The following CSMD1 variants were observed in gnomAD, a reference collection of about 807,000 sequenced individuals.
CSMD1 encodes CUB and sushi domain-containing protein 1.
Under a neutral mutation model 417.5 loss-of-function variants are expected in CSMD1, and 213 were observed. That is an observed-to-expected ratio of 0.51 (90% confidence interval 0.46 to 0.57). The LOEUF is 0.57. Among genes scored for constraint, CSMD1 ranks in the 20% least tolerant of loss-of-function variants. CSMD1 has a pLI of 0.00. For missense variants in CSMD1, 6,923 were observed against 4,529.7 expected (o/e 1.53, Z -15.17); for synonymous variants, 2,862 against 1,736.8 (o/e 1.65, Z -16.11).
Position 3,733,964 on chromosome 8 carries a change from C to G in CSMD1, c.931+19966G>C, listed in dbSNP as rs2623697. ...CATCCACTGGGGTCCTGAAACTTAT[C>G]CTTCAAGGATAAGGGGGGGATGTCT... On this transcript the variant is annotated intron_variant, in intron 6 of 69. Transcript: ENST00000635120. Among the ~76,000 whole-genome samples, 613 of 152,112 alleles carry G rather than the reference C, an allele frequency of 4.0e-3. 18 individuals carry two copies. In the East Asian group the frequency reaches 0.075, roughly 19 times the overall value.
chr8:2,972,240 A>ATG (rs1804523412), intron 57 of CSMD1, among the ~76,000 whole-genome samples: 1 of 152,208 alleles, frequency 6.6e-6, no homozygotes, highest in African/African-American at 2.4e-5. Flanking sequence ...AGGACAATAA[A>ATG]TGAAGATTAA....
At chr8:3,007,344 A>G (rs1035699816) in intron 52 of CSMD1, among the ~76,000 whole-genome samples, 23 of 151,994 alleles carry the variant, frequency 1.5e-4, no homozygotes, top group African/African-American at 5.6e-4. Flanking sequence ...TAGTTCAACC[A>G]TTGTGGAAGT....
chr8:4,582,515 C>T (rs1799470482), intron 2 of CSMD1, among the ~76,000 whole-genome samples: 1 of 152,172 alleles, frequency 6.6e-6, no homozygotes, highest in Admixed American at 6.5e-5. Context: ...GAAACTAAGT[C>T]CTGTAGTCTC....
intron 65 of CSMD1, 132 bp from the exon 66 acceptor site, chr8:2,951,407 G>T: frequency 1.1e-6 from 1 of 902,226 alleles, no homozygotes; most frequent in Non-Finnish European, 1.6e-6. Flanking sequence ...GACAAGAGGA[G>T]CCTAGTGCAT....
At chr8:4,067,036 T>C (rs977692844) in intron 3 of CSMD1, among the ~76,000 whole-genome samples, 1 of 152,236 alleles carries the variant, frequency 6.6e-6, no homozygotes, top group Non-Finnish European at 1.5e-5. Flanking sequence ...TTGTGTATGA[T>C]GAAAATCAAG....
chr8:4,093,523 A>C (rs17404163), intron 3 of CSMD1, among the ~76,000 whole-genome samples: 1 of 152,158 alleles, frequency 6.6e-6, no homozygotes, highest in Non-Finnish European at 1.5e-5. Flanking sequence ...GAATATAGTG[A>C]AATTTTACAT....
At position 3,459,947 on chromosome 8, in the gene CSMD1, C is replaced by G. The variant is rs892010225; in HGVS notation, c.1561+8765G>C. ...CATGATAATGCTACAAAAATCTAAACAGTCCAGAAACTGGCTAAGACACTC... is the reference window on the plus strand; with the variant it reads ...CATGATAATGCTACAAAAATCTAAAGAGTCCAGAAACTGGCTAAGACACTC... On this transcript the variant is annotated intron_variant, in intron 12 of 69. Transcript: ENST00000635120. Among the ~76,000 whole-genome samples, 18 of 152,260 alleles carry G rather than the reference C, an allele frequency of 1.2e-4. No individual in the cohort carries two copies. In the East Asian group the frequency reaches 3.1e-3, roughly 26 times the overall value.
intron 4 of CSMD1, among the ~76,000 whole-genome samples, chr8:4,006,155 T>C (rs954347659): frequency 2.0e-5 from 3 of 152,210 alleles, no homozygotes; most frequent in Admixed American, 2.0e-4. Context: ...ATTTATGTAC[T>C]GCAAATTCCC....
chr8:3,857,980 C>T (rs1020375942), intron 5 of CSMD1, among the ~76,000 whole-genome samples: 3 of 152,168 alleles, frequency 2.0e-5, no homozygotes, highest in Non-Finnish European at 4.4e-5. Flanking sequence ...TAAAATTGTT[C>T]GGCATGGTGC....
At chr8:4,405,095 G>T (rs11993384) in intron 3 of CSMD1, among the ~76,000 whole-genome samples, 1 of 152,216 alleles carries the variant, frequency 6.6e-6, no homozygotes, top group African/African-American at 2.4e-5. Flanking sequence ...ACAGCGTTCA[G>T]AAGAGATTTT....
At chr8:3,190,242 A>G (rs1796332177) in intron 33 of CSMD1, 127 bp from the exon 34 acceptor site, 3 of 619,848 alleles carry the variant, frequency 4.8e-6, no homozygotes, top group Admixed American at 3.0e-5. Context: ...AACGACTCCA[A>G]CAATCGCTAT....
At chr8:4,308,515 G>C (rs974681101) in intron 3 of CSMD1, among the ~76,000 whole-genome samples, 11 of 152,224 alleles carry the variant, frequency 7.2e-5, no homozygotes, top group Admixed American at 5.2e-4. Flanking sequence ...CAGTACTTCA[G>C]AGACCCTGCT....
intron 52 of CSMD1, among the ~76,000 whole-genome samples, chr8:3,005,923 G>A (rs1807850111): frequency 6.6e-6 from 1 of 152,002 alleles, no homozygotes; most frequent in African/African-American, 2.4e-5. Flanking sequence ...TCTGGCCAGG[G>A]CAATTAGGCA....
At chr8:4,462,498 A>G (rs1226345526) in intron 2 of CSMD1, among the ~76,000 whole-genome samples, 1 of 152,186 alleles carries the variant, frequency 6.6e-6, no homozygotes, top group East Asian at 1.9e-4. Flanking sequence ...AGCTGATCCT[A>G]AAATGCATAT....
chr8:3,825,616 T>A (rs1802013779), intron 5 of CSMD1, among the ~76,000 whole-genome samples: 2 of 152,198 alleles, frequency 1.3e-5, no homozygotes, highest in South Asian at 4.2e-4. Flanking sequence ...AGAGTACAGT[T>A]GGTTCTTAGG....
At chr8:3,512,920 G>A (rs1464464735) in intron 10 of CSMD1, among the ~76,000 whole-genome samples, 1 of 152,058 alleles carries the variant, frequency 6.6e-6, no homozygotes, top group Non-Finnish European at 1.5e-5. Context: ...GATGTAACAC[G>A]TGGGCCCGTT....
intron 7 of CSMD1, among the ~76,000 whole-genome samples, chr8:3,637,238 C>T (rs1797096107): frequency 6.6e-6 from 1 of 152,100 alleles, no homozygotes; most frequent in Non-Finnish European, 1.5e-5. Context: ...AATTTGTAAT[C>T]AGAATAATCC....
intron 5 of CSMD1, among the ~76,000 whole-genome samples, chr8:3,796,506 T>C (rs1229719217): frequency 6.9e-6 from 1 of 143,928 alleles, no homozygotes; most frequent in East Asian, 2.0e-4. Flanking sequence ...GATATAGATA[T>C]ATATATCTAT....
intron 7 of CSMD1, among the ~76,000 whole-genome samples, chr8:3,642,376 T>C (rs1251980286): frequency 6.6e-6 from 1 of 152,162 alleles, no homozygotes; most frequent in African/African-American, 2.4e-5. Flanking sequence ...AAAGAATTTA[T>C]AACCTTAAGT....
Sources: gnomAD v4.1 joint callset for allele counts (sites outside exome capture counted in the v4.1 genomes callset) on GRCh38, gnomAD v4.1.1 for gene constraint, MANE v1.5 for transcripts, NCBI Gene and HGNC (gene_info 2026-07-23, HGNC 2026-07-21) for gene names.